PARP11: variants seen among roughly 807,000 people sequenced by gnomAD.
PARP11 encodes poly(ADP-ribose) polymerase family member 11.
Under a neutral mutation model 42.9 loss-of-function variants are expected in PARP11, and 31 were observed. The observed-to-expected ratio is 0.72, with a 90% CI of 0.54 to 0.98. The LOEUF (loss-of-function observed/expected upper bound fraction) is 0.98. Among genes scored for constraint, PARP11 ranks in the 50% least tolerant of loss-of-function variants. The pLI is 0.00. For missense variants in PARP11, 365 were observed against 413.1 expected (o/e 0.88, Z 1.01); for synonymous variants, 137 against 127.3 (o/e 1.08, Z -0.51).
At chr12:3,853,118 A>G (rs1225228328) in intron 1 of PARP11, among the ~76,000 whole-genome samples, 2 of 152,244 alleles carry the variant, frequency 1.3e-5, no homozygotes, top group Non-Finnish European at 2.9e-5. Context: ...CTGCCTTACA[A>G]GAGCTCCTGA....
rs372013391 is a variant in PARP11, at chr12:3,812,115, A to G, written c.*8T>C. On this transcript the variant is annotated 3_prime_UTR_variant, in exon 8 of 8. Transcript: ENST00000228820. Reference sequence around the variant, plus strand: ...AGCTTCCTTGACCACCGAGATTTGGAAGTGAAATCAATGAAAGTCTATCAA... The same window carrying G: ...AGCTTCCTTGACCACCGAGATTTGGGAGTGAAATCAATGAAAGTCTATCAA... 1.9e-6 allele frequency: 3 copies of G among 1,578,210 alleles called. No individual in the cohort carries two copies. In the African/African-American group the frequency reaches 4.1e-5, roughly 22 times the overall value.
At chr12:3,844,834 C>T (rs761520034) in intron 1 of PARP11, among the ~76,000 whole-genome samples, 37 of 152,178 alleles carry the variant, frequency 2.4e-4, no homozygotes, top group Admixed American at 2.0e-4. Flanking sequence ...AGGTTGGTTT[C>T]GCTTTTATCC....
At chr12:3,817,129 T>TG (rs371509350) in intron 6 of PARP11, among the ~76,000 whole-genome samples, 38 of 152,024 alleles carry the variant, frequency 2.5e-4, no homozygotes, top group African/African-American at 8.2e-4. Flanking sequence ...AGGCGGAACT[T>TG]GCAGTGAGCT....
At chr12:3,832,523 T>G (rs1182697490) in intron 1 of PARP11, among the ~76,000 whole-genome samples, 1 of 152,200 alleles carries the variant, frequency 6.6e-6, no homozygotes, top group South Asian at 2.1e-4. Flanking sequence ...TTTAGTTTAA[T>G]TGCTTTGCTT....
chr12:3,836,516 A>T (rs773726497), intron 1 of PARP11, among the ~76,000 whole-genome samples: 1 of 152,020 alleles, frequency 6.6e-6, no homozygotes, highest in African/African-American at 2.4e-5. Context: ...GGCATTCGTA[A>T]TAATCCATGG....
chr12:3,864,653 A>G (rs1240470803), intron 1 of PARP11, among the ~76,000 whole-genome samples: 1 of 152,128 alleles, frequency 6.6e-6, no homozygotes, highest in Non-Finnish European at 1.5e-5. Context: ...TCTCTCTAGG[A>G]ATATGTCTAT....
At chr12:3,839,317 G>A (rs1947839024) in intron 1 of PARP11, 2 of 1,525,240 alleles carry the variant, frequency 1.3e-6, no homozygotes, top group Non-Finnish European at 1.7e-6. Flanking sequence ...GGCGGCCGTC[G>A]GCGTCCCCGA....
rs145234099 is a variant in PARP11 at position 3,846,320 on chromosome 12, G to A, written c.19-16302C>T. On this transcript the variant is annotated intron_variant, in intron 1 of 7. Transcript: ENST00000228820. ...AGAACATCCAAATAAAATCAGAAATGAAAAAGGTGACAACTGAGACCACAA... is the reference window on the plus strand; with the variant it reads ...AGAACATCCAAATAAAATCAGAAATAAAAAAGGTGACAACTGAGACCACAA... Among the ~76,000 whole-genome samples, 3 of 151,388 alleles carry A rather than the reference G, an allele frequency of 2.0e-5. No individual in the cohort carries two copies. In the South Asian group the frequency reaches 6.2e-4, roughly 31 times the overall value.
intron 1 of PARP11, among the ~76,000 whole-genome samples, chr12:3,838,772 C>T (rs1181766555): frequency 1.3e-5 from 2 of 152,228 alleles, no homozygotes; most frequent in Non-Finnish European, 2.9e-5. Context: ...CCCGCCCCTC[C>T]GGCGCCCTCC....
chr12:3,865,599 A>T (rs1359497222), intron 1 of PARP11, among the ~76,000 whole-genome samples: 1 of 152,166 alleles, frequency 6.6e-6, no homozygotes, highest in Non-Finnish European at 1.5e-5. Flanking sequence ...TCATTAAGAA[A>T]TGACATTCTT....
At chr12:3,836,531 TA>T (rs1947766329) in intron 1 of PARP11, among the ~76,000 whole-genome samples, 1 of 151,658 alleles carries the variant, frequency 6.6e-6, no homozygotes, top group African/African-American at 2.4e-5. Context: ...CCATGGGGGA[TA>T]AAAAAGAAAA....
intron 1 of PARP11, among the ~76,000 whole-genome samples, chr12:3,864,683 T>C (rs939631318): frequency 1.2e-4 from 18 of 152,240 alleles, no homozygotes; most frequent in Non-Finnish European, 1.6e-4. Flanking sequence ...GTTGTCATAC[T>C]GCTTGATATA....
Position 3,809,189 on chromosome 12 carries a change from T to C in PARP11, c.*2934A>G, listed in dbSNP as rs2137994945. 1 of 152,312 alleles carries C rather than the reference T, an allele frequency of 6.6e-6. No homozygotes were observed. Among genetic ancestry groups the C allele is most frequent in the East Asian group, 1.9e-4 (1 of 5,192 alleles). The allele number at this position is 152,312 out of a possible 1,614,324, so 9.4% of individuals were successfully genotyped here. On this transcript the variant is annotated 3_prime_UTR_variant, in exon 8 of 8. Transcript: ENST00000228820. ...GATGATAACAGGAAAAGATGGCAAA[T>C]GGTTGTGTCCAGTATTATTATATAC...
At chr12:3,841,625 C>T (rs1317987147) in intron 1 of PARP11, 1 of 1,613,508 alleles carries the variant, frequency 6.2e-7, no homozygotes, top group East Asian at 2.2e-5. Flanking sequence ...GAATCTGAGA[C>T]CCCTGGGCAG....
At chr12:3,845,283 C>T (rs1947975361) in intron 1 of PARP11, among the ~76,000 whole-genome samples, 1 of 152,194 alleles carries the variant, frequency 6.6e-6, no homozygotes, top group African/African-American at 2.4e-5. Context: ...AATTCATTTT[C>T]ATGGCAGACC....
rs889475398 is a variant in PARP11, at chr12:3,809,255, G to T, written c.*2868C>A. 3.0e-4 allele frequency: 45 copies of T among 151,890 alleles called. 1 individual carries two copies. Among genetic ancestry groups the T allele is most frequent in the African/African-American group, 8.7e-4 (36 of 41,332 alleles). 9.4% of individuals were successfully genotyped at this position (151,890 alleles called of 1,614,324 possible). A position where few individuals can be genotyped will look rare whatever the true frequency, so the allele number is the denominator to read the frequency against. ...CAAATGTACTGATTATATGATTCTCGATTTAATCTACTTACCAAAACAAAG... is the reference window on the plus strand; with the variant it reads ...CAAATGTACTGATTATATGATTCTCTATTTAATCTACTTACCAAAACAAAG... On this transcript the variant is annotated 3_prime_UTR_variant, in exon 8 of 8. Transcript: ENST00000228820.
chr12:3,829,673 C>A (rs558295371), intron 2 of PARP11, among the ~76,000 whole-genome samples: 1 of 152,362 alleles, frequency 6.6e-6, no homozygotes, highest in East Asian at 1.9e-4. Context: ...CAGTCACATT[C>A]ACCCTCTATT....
chr12:3,860,265 C>T (rs1948273933), intron 1 of PARP11, among the ~76,000 whole-genome samples: 1 of 152,120 alleles, frequency 6.6e-6, no homozygotes, highest in African/African-American at 2.4e-5. Flanking sequence ...GGTTGGTAGA[C>T]TTCTTGGATT....
In PARP11 at chr12:3,827,262, C is replaced by T. The variant is rs1947546223; in HGVS notation, c.269-1029G>A. ...CCATGCCTCTGAAACAGGATCATTA[C>T]ACAGAGGGTTGGGGAACTCCAGTTA... On this transcript the variant is annotated intron_variant, in intron 3 of 7. Transcript: ENST00000228820. Among the ~76,000 whole-genome samples the T allele has an allele frequency of 2.0e-5, 3 of 152,210 alleles. No individual in the cohort carries two copies. The South Asian group carries it at 6.2e-4, about 32-fold the overall frequency.
Sources: allele counts gnomAD v4.1 joint callset (sites outside exome capture counted in the v4.1 genomes callset), GRCh38; gene constraint gnomAD v4.1.1; transcripts MANE v1.5; gene names NCBI Gene and HGNC (gene_info 2026-07-23, HGNC 2026-07-21).